C2CD3: variants seen among roughly 807,000 people sequenced by gnomAD.
C2CD3 encodes C2 domain containing 3 centriole elongation regulator, also known as C2 domain-containing protein 3.
A neutral mutation model predicts 234.0 loss-of-function variants in C2CD3; 148 were observed. The observed-to-expected ratio is 0.63, with a 90% CI of 0.55 to 0.72. The LOEUF is 0.72. Among genes scored for constraint, C2CD3 ranks in the 30% least tolerant of loss-of-function variants. The pLI is 0.00. For missense variants in C2CD3, 2,577 were observed against 2,811.5 expected (o/e 0.92, Z 1.89); for synonymous variants, 1,000 against 1,035.4 (o/e 0.97, Z 0.66).
At chr11:74,094,762 T>C (rs910906611) in intron 17 of C2CD3, among the ~76,000 whole-genome samples, 1 of 152,152 alleles carries the variant, frequency 6.6e-6, no homozygotes, top group African/African-American at 2.4e-5. Flanking sequence ...TCTACCAGGG[T>C]AAGTTGTTTT....
intron 13 of C2CD3, among the ~76,000 whole-genome samples, chr11:74,105,609 C>T (rs1956487631): frequency 6.6e-6 from 1 of 152,116 alleles, no homozygotes; most frequent in African/African-American, 2.4e-5. Context: ...ATACTGAAGC[C>T]ACACGCTCAG....
At chr11:74,119,124 G>A (rs758738484) in intron 8 of C2CD3, among the ~76,000 whole-genome samples, 3 of 151,906 alleles carry the variant, frequency 2.0e-5, no homozygotes, top group Non-Finnish European at 4.4e-5. Context: ...TGCTCAGGCA[G>A]GTCTTAAACT....
At chr11:74,068,217 T>C (rs1429993079) in intron 24 of C2CD3, among the ~76,000 whole-genome samples, 1 of 152,190 alleles carries the variant, frequency 6.6e-6, no homozygotes, top group Admixed American at 6.5e-5. Context: ...CTCTGCCTGA[T>C]ATAGCTTTCA....
At chr11:74,140,555 T>G (rs1212998432) in intron 3 of C2CD3, among the ~76,000 whole-genome samples, 1 of 152,220 alleles carries the variant, frequency 6.6e-6, no homozygotes. Context: ...AAGATTCTTT[T>G]TTTTTAAAGC....
At chr11:74,170,683 C>T in intron 1 of C2CD3, 55 bp downstream of exon 1, 1 of 1,607,406 alleles carries the variant, frequency 6.2e-7, no homozygotes, top group South Asian at 1.1e-5. Context: ...CCCTAAAATT[C>T]CTTACACCCT....
Position 74,074,257 on chromosome 11 carries a change from C to T in C2CD3, c.4947G>A (p.Leu1649=), listed in dbSNP as rs760997963. The change falls in exon 24 of 33, where the codon TTG becomes TTA. Residue 1649 remains leucine (L), a synonymous_variant. Transcript: ENST00000334126. ...ILVERAMHLS[L]KGSPLTERKV... ...GGGTAGGTGAGGAGAGCATACCTTT[C>T]AAGCTCAAGTGCATTGCTCTTTCTA... The T allele has an allele frequency of 3.1e-6, 5 of 1,610,506 alleles. No individual in the cohort carries two copies. In the African/African-American group the frequency reaches 5.3e-5, roughly 17 times the overall value.
intron 8 of C2CD3, among the ~76,000 whole-genome samples, chr11:74,120,336 A>G (rs1445734728): frequency 6.6e-6 from 1 of 151,708 alleles, no homozygotes; most frequent in African/African-American, 2.4e-5. Context: ...GTCTAAGTGA[A>G]CTCATTGTTC....
intron 9 of C2CD3, among the ~76,000 whole-genome samples, chr11:74,116,811 T>C (rs543648569): frequency 2.3e-5 from 3 of 133,044 alleles, no homozygotes; most frequent in African/African-American, 5.6e-5. Context: ...CGTATATATA[T>C]ACACACACAT....
In C2CD3 at chr11:74,124,054, T is replaced by A. The variant is rs1180656620; in HGVS notation, c.1218-919A>T. On this transcript the variant is annotated intron_variant, in intron 7 of 32. Coordinates refer to ENST00000334126, the MANE Select transcript of C2CD3 (RefSeq NM_001286577.2). ...TTTTACTTTCTAACTTTCTTTCAGG[T>A]CCTTGTATAAATTCCATATTTTCCC... 2.0e-5 allele frequency among the ~76,000 whole-genome samples: 3 copies of A among 152,102 alleles called. 1 individual carries two copies. In the South Asian group the frequency reaches 6.2e-4, roughly 32 times the overall value.
intron 11 of C2CD3, among the ~76,000 whole-genome samples, chr11:74,111,887 T>G (rs974780949): frequency 6.9e-6 from 1 of 145,750 alleles, no homozygotes; most frequent in Non-Finnish European, 1.5e-5. Flanking sequence ...AGCCAAAAGA[T>G]TGGACACCCC....
chr11:74,103,339 A>C lies in C2CD3; in HGVS notation c.2372T>G (p.Val791Gly). The change falls in exon 14 of 33, where the codon GTC becomes GGC. Residue 791 changes from valine (V) to glycine (G), a missense_variant. Val to Gly is a moderately radical substitution (Grantham distance 109). Transcript: ENST00000334126. ...FVATPASHNL[V>G]NQTNGTTKES... ...TTTTGTTGTCCCATTTGTCTGATTG[A>C]CTAAATTATGGGAGGCTGGCGTAGC... 1 of 1,614,226 alleles carries C rather than the reference A, an allele frequency of 6.2e-7. No homozygotes were observed. The highest frequency in any genetic ancestry group is 1.6e-4 in the Middle Eastern group (1 of 6,062).
At chr11:74,052,394 A>G (rs1046607980) in intron 26 of C2CD3, among the ~76,000 whole-genome samples, 8 of 152,234 alleles carry the variant, frequency 5.3e-5, no homozygotes, top group Admixed American at 2.0e-4. Context: ...TAATTTTATA[A>G]ATAAGAAAGA....
intron 7 of C2CD3, among the ~76,000 whole-genome samples, chr11:74,131,492 G>A (rs962343135): frequency 6.6e-6 from 1 of 151,940 alleles, no homozygotes; most frequent in Non-Finnish European, 1.5e-5. Flanking sequence ...GCTGGGTTCG[G>A]TTTGCAAGTA....
chr11:74,053,131 T>C (rs993346539), intron 26 of C2CD3, among the ~76,000 whole-genome samples: 1 of 152,242 alleles, frequency 6.6e-6, no homozygotes, highest in African/African-American at 2.4e-5. Context: ...TGGGTTCAAA[T>C]ACTGGCTCCA....
In C2CD3 at chr11:74,139,835, G is replaced by A; in HGVS notation, c.484-7C>T. 6.4e-7 allele frequency: 1 copy of A among 1,556,764 alleles called. No homozygotes were observed. Among genetic ancestry groups the A allele is most frequent in the Non-Finnish European group, 8.9e-7 (1 of 1,127,958 alleles). Reference sequence around the variant, plus strand: ...GTTCCAGGGCAAGTGAGACCTAAGAGAGACAGGTAGTATATGAGAAATTTT... The same window carrying A: ...GTTCCAGGGCAAGTGAGACCTAAGAAAGACAGGTAGTATATGAGAAATTTT... On this transcript the variant is annotated splice_polypyrimidine_tract_variant and splice_region_variant and intron_variant, in intron 3 of 32. Transcript: ENST00000334126.
intron 29 of C2CD3, among the ~76,000 whole-genome samples, chr11:74,039,258 T>C (rs949886720): frequency 1.3e-5 from 2 of 152,238 alleles, no homozygotes; most frequent in Admixed American, 6.5e-5. Flanking sequence ...AAGCTGTACT[T>C]TGCTCATCTG....
intron 13 of C2CD3, among the ~76,000 whole-genome samples, chr11:74,105,705 C>T (rs950239318): frequency 6.6e-6 from 1 of 152,162 alleles, no homozygotes; most frequent in Non-Finnish European, 1.5e-5. Flanking sequence ...ATTCATTCTA[C>T]CAGGCACACT....
chr11:74,079,273 T>A (rs1955220607), intron 22 of C2CD3, among the ~76,000 whole-genome samples: 1 of 152,174 alleles, frequency 6.6e-6, no homozygotes, highest in South Asian at 2.1e-4. Flanking sequence ...CTGGGCAGTG[T>A]CACCTGTAAC....
intron 3 of C2CD3, among the ~76,000 whole-genome samples, chr11:74,158,449 G>A (rs991638804): frequency 6.6e-6 from 1 of 152,108 alleles, no homozygotes; most frequent in Admixed American, 6.6e-5. Flanking sequence ...AGGGCTGGGC[G>A]TGGTGGCTCA....
Sources: allele counts gnomAD v4.1 joint callset (sites outside exome capture counted in the v4.1 genomes callset), GRCh38; gene constraint gnomAD v4.1.1; transcripts MANE v1.5; gene names NCBI Gene and HGNC (gene_info 2026-07-23, HGNC 2026-07-21).